The following SPATA18 variants were observed in gnomAD, a reference collection of about 807,000 sequenced individuals.
The protein encoded by SPATA18 is spermatogenesis associated 18, also known as mitochondria-eating protein.
A neutral mutation model predicts 68.1 loss-of-function variants in SPATA18; 54 were observed. The ratio of observed to expected loss-of-function variants is 0.79; its 90% CI spans 0.64 to 0.99. The LOEUF (loss-of-function observed/expected upper bound fraction) is 0.99, where lower values mean the gene tolerates loss of function less well. Ranked by LOEUF, SPATA18 falls within the 50% of genes least tolerant of loss-of-function variation. The pLI is 0.00. For synonymous variants in SPATA18, 242 were observed against 244.8 expected, an observed-to-expected ratio of 0.99 and a Z score of 0.11; for missense variants, 724 against 681.1, an observed-to-expected ratio of 1.06 and a Z score of -0.70.
chr4:52,094,462 C>A, intron 11 of SPATA18, 65 bp from the exon 12 acceptor site: 1 of 1,537,742 alleles, frequency 6.5e-7, no homozygotes, highest in South Asian at 1.1e-5. Flanking sequence ...AAAAATATGT[C>A]AAAAGAATTC....
intron 5 of SPATA18, 90 bp from the exon 6 acceptor site, chr4:52,071,827 G>A (rs981260902): frequency 1.5e-6 from 2 of 1,292,758 alleles, no homozygotes; most frequent in Admixed American, 2.4e-5. Flanking sequence ...TGTTAAGCAT[G>A]CCAATTGCTG....
chr4:52,078,751 CA>C lies in SPATA18; in HGVS notation c.1042del (p.Met348TrpfsTer10), dbSNP rs760222233. ...YIATVEAFHV[A>X]KMAFRHFKIH... Reference sequence around the variant, plus strand: ...TATGTGCAGGAGGCATTCCATGTAGCAAAAATGGCATTCAGACACTTCAAGA... The same window carrying C: ...TATGTGCAGGAGGCATTCCATGTAGCAAAATGGCATTCAGACACTTCAAGA... On this transcript the variant is annotated frameshift_variant, in exon 8 of 13. Coordinates refer to ENST00000295213, the MANE Select transcript of SPATA18 (RefSeq NM_145263.4). LOFTEE classifies it high-confidence loss of function. 36 of 1,581,760 alleles carry C rather than the reference CA, an allele frequency of 2.3e-5. No individual in the cohort carries two copies. Among genetic ancestry groups the C allele is most frequent in the Non-Finnish European group, 2.9e-5 (34 of 1,154,964 alleles).
intron 4 of SPATA18, among the ~76,000 whole-genome samples, chr4:52,064,175 T>C (rs1296191677): frequency 8.6e-6 from 1 of 116,942 alleles, no homozygotes. Flanking sequence ...TATGTGTTCC[T>C]TCTCTTTCTA....
chr4:52,069,814 CT>C lies in SPATA18; in HGVS notation c.423-5del. ...AATCTATCTTTAGTTACTGATTTAT[CT>C]TACAGTCTGGTTGAAACTGAAAAGA... On this transcript the variant is annotated splice_polypyrimidine_tract_variant and splice_region_variant and intron_variant, in intron 4 of 12. Transcript: ENST00000295213. The C allele has an allele frequency of 6.4e-7, 1 of 1,560,608 alleles. No homozygotes were observed. The highest frequency in any genetic ancestry group is 8.7e-7 in the Non-Finnish European group (1 of 1,148,242).
At chr4:52,057,514 A>G (rs1304763951) in intron 1 of SPATA18, among the ~76,000 whole-genome samples, 3 of 152,220 alleles carry the variant, frequency 2.0e-5, no homozygotes, top group Non-Finnish European at 4.4e-5. Context: ...TTTGACCACC[A>G]TTCCTCTGGG....
chr4:52,078,579 G>A (rs1313096347), intron 7 of SPATA18, 156 bp from the exon 8 acceptor site: 2 of 551,606 alleles, frequency 3.6e-6, no homozygotes, highest in East Asian at 5.8e-5. Flanking sequence ...AGTTAGAGAT[G>A]TATTTTCTTC....
intron 8 of SPATA18, among the ~76,000 whole-genome samples, chr4:52,079,518 T>C (rs1364840584): frequency 6.6e-6 from 1 of 152,196 alleles, no homozygotes; most frequent in Admixed American, 6.5e-5. Context: ...TTTTTAGGAC[T>C]CTCTTGGCTT....
chr4:52,055,908 C>T (rs1738297187), intron 1 of SPATA18, among the ~76,000 whole-genome samples: 1 of 152,160 alleles, frequency 6.6e-6, no homozygotes, highest in African/African-American at 2.4e-5. Flanking sequence ...CATTGTGTCC[C>T]TAGCATCTAC....
chr4:52,084,941 G>A lies in SPATA18; in HGVS notation c.1505G>A (p.Arg502His), dbSNP rs772456267. ...AFWNSVRSVS[R>H]CRSRSLSPIC... ...TGGAATTCGGTGCGATCTGTAAGTC[G>A]TTGTCGAAGCAGGAGTTTAAGTCCC... The change falls in exon 11 of 13, where the codon CGT becomes CAT. Residue 502 changes from arginine to histidine, a missense_variant. Physicochemically the swap from Arg to His is conservative, Grantham distance 29. Coordinates refer to ENST00000295213, the MANE Select transcript of SPATA18 (RefSeq NM_145263.4). The A allele has an allele frequency of 1.7e-5, 27 of 1,613,836 alleles. No individual in the cohort carries two copies. The highest frequency in any genetic ancestry group is 2.2e-5 in the East Asian group (1 of 44,866).
chr4:52,066,063 T>TC (rs1310852817), intron 4 of SPATA18, among the ~76,000 whole-genome samples: 2 of 152,184 alleles, frequency 1.3e-5, no homozygotes, highest in Non-Finnish European at 2.9e-5. Flanking sequence ...CTGACTGGCT[T>TC]CCCCACTTCC....
At chr4:52,092,681 G>A (rs1742079951) in intron 11 of SPATA18, among the ~76,000 whole-genome samples, 1 of 152,116 alleles carries the variant, frequency 6.6e-6, no homozygotes, top group African/African-American at 2.4e-5. Flanking sequence ...TCCCCCTTAC[G>A]GACTTTAATG....
chr4:52,061,304 A>G (rs1209981166), intron 3 of SPATA18, among the ~76,000 whole-genome samples: 1 of 152,008 alleles, frequency 6.6e-6, no homozygotes, highest in Non-Finnish European at 1.5e-5. Context: ...GGGGAACAAC[A>G]CAGCAGGGCC....
chr4:52,071,878 C>T, intron 5 of SPATA18, 39 bp from the exon 6 acceptor site: 2 of 1,601,074 alleles, frequency 1.2e-6, no homozygotes, highest in Non-Finnish European at 1.7e-6. Flanking sequence ...CTCCCCTCTC[C>T]TCTCTTCCCT....
At chr4:52,066,774 G>A (rs879782634) in intron 4 of SPATA18, among the ~76,000 whole-genome samples, 25 of 152,112 alleles carry the variant, frequency 1.6e-4, no homozygotes, top group African/African-American at 4.1e-4. Context: ...CTGTTCCTGC[G>A]TTAGTTTGCT....
chr4:52,078,972 C>T (rs1740663470), intron 8 of SPATA18, 79 bp downstream of exon 8: 2 of 1,351,014 alleles, frequency 1.5e-6, no homozygotes, highest in Middle Eastern at 2.1e-4. Context: ...CTCAGAAATC[C>T]ATCCAGTATT....
intron 7 of SPATA18, 40 bp from the exon 8 acceptor site, chr4:52,078,695 C>G (rs1335650090): frequency 6.7e-7 from 1 of 1,482,516 alleles, no homozygotes; most frequent in African/African-American, 1.4e-5. Flanking sequence ...CTTCACCTAC[C>G]TCTTTTCACC....
chr4:52,082,200 C>T (rs1187071176), intron 9 of SPATA18, among the ~76,000 whole-genome samples, 187 bp from the exon 10 acceptor site: 5 of 128,556 alleles, frequency 3.9e-5, no homozygotes, highest in East Asian at 2.6e-4. Context: ...TTAGCATATC[C>T]GTGCTGGGTC....
rs145046764 is a variant in SPATA18, at chr4:52,079,804, T to C, written c.1240T>C (p.Cys414Arg). ...KISFPPVVDF[C>R]LLSDFIQEIC... is the part of the protein sequence containing the mutation. ...TTCATTCCCTCCTGTCGTTGACTTT[T>C]GCCTTCTCAGTGACTTCATCCAGGA... The change falls in exon 9 of 13, where the codon TGC becomes CGC. Residue 414 changes from cysteine (C) to arginine (R), a missense_variant. By Grantham distance (180) the Cys-to-Arg change is radical. Transcript: ENST00000295213. 1 of 1,614,120 alleles carries C rather than the reference T, an allele frequency of 6.2e-7. No homozygotes were observed. Among genetic ancestry groups the C allele is most frequent in the Non-Finnish European group, 8.5e-7 (1 of 1,179,952 alleles).
chr4:52,071,061 A>G (rs369653528), intron 5 of SPATA18, among the ~76,000 whole-genome samples: 59 of 152,270 alleles, frequency 3.9e-4, no homozygotes, highest in African/African-American at 1.3e-3. Context: ...CCTATTTGTT[A>G]TACCTTCTCA....
Sources: gnomAD v4.1 joint callset for allele counts (sites outside exome capture counted in the v4.1 genomes callset) on GRCh38, gnomAD v4.1.1 for gene constraint, MANE v1.5 for transcripts, NCBI Gene and HGNC (gene_info 2026-07-23, HGNC 2026-07-21) for gene names.